Variants in KLC3 observed in about 807,000 individuals in gnomAD.
The protein encoded by KLC3 is kinesin light chain 2.
In KLC3, 72 loss-of-function variants were observed where a neutral mutation model predicts 62.9. That is an observed-to-expected ratio of 1.15 (90% CI 0.95 to 1.39). KLC3 has a LOEUF of 1.39. KLC3 is among the 40% of genes most tolerant of loss of function. The pLI is 0.00. For synonymous variants in KLC3, 377 were observed against 300.5 expected (o/e 1.25, Z -2.63); for missense variants, 848 against 691.6 (o/e 1.23, Z -2.54).
rs748349233 is a variant in KLC3, at chr19:45,350,719, C to CGAA, written c.1353_1354insAGA (p.Arg451dup). ...AAGTGAGAAGCTGGTCTCCCGGCTC[C>CGAA]GAGGCGAGGCGGCGGCAGGAGCAGC... On this transcript the variant is annotated inframe_insertion, in exon 11 of 13. Coordinates refer to ENST00000391946, the MANE Select transcript of KLC3 (RefSeq NM_177417.3). 1.3e-5 allele frequency: 21 copies of CGAA among 1,612,898 alleles called. No homozygotes were observed. Among genetic ancestry groups the CGAA allele is most frequent in the Middle Eastern group, 1.7e-4 (1 of 6,056 alleles).
chr19:45,346,734 T>C lies in KLC3; in HGVS notation c.449T>C (p.Leu150Pro). ...GAGGAGAAGCGCCACCTGGAGTTCC[T>C]GGGGCAGCTGCGACAGTACGACCCA... ...LEEEKRHLEF[L>P]GQLRQYDPPA... The change falls in exon 3 of 13, where the codon CTG becomes CCG. Residue 150 changes from leucine to proline, a missense_variant. Transcript: ENST00000391946. 6.3e-7 allele frequency: 1 copy of C among 1,588,654 alleles called. No individual in the cohort carries two copies. The highest frequency in any genetic ancestry group is 8.6e-7 in the Non-Finnish European group (1 of 1,168,438).
In KLC3 at chr19:45,345,945, C is replaced by T. The variant is rs1191497690; in HGVS notation, c.258+146C>T. 3 of 921,876 alleles carry T rather than the reference C, an allele frequency of 3.3e-6. No homozygotes were observed. The African/African-American group carries it at 5.0e-5, about 15-fold the overall frequency. 57.1% of individuals were successfully genotyped at this position (921,876 alleles called of 1,614,324 possible). On this transcript the variant is annotated intron_variant, in intron 2 of 12. Coordinates refer to ENST00000391946, the MANE Select transcript of KLC3 (RefSeq NM_177417.3). Reference sequence around the variant, plus strand: ...CTTTGGGAGGCTGAGGTGGGCAGATCACTTGAGGTCAGGAGTTCAAGACCA... The same window carrying T: ...CTTTGGGAGGCTGAGGTGGGCAGATTACTTGAGGTCAGGAGTTCAAGACCA...
chr19:45,343,830 A>T (rs1281591637), intron 1 of KLC3, among the ~76,000 whole-genome samples: 2 of 145,738 alleles, frequency 1.4e-5, no homozygotes, highest in African/African-American at 4.9e-5. Flanking sequence ...GAGAATGTAT[A>T]TTATGCTGTC....
At chr19:45,351,243 G>A (rs934267563) in intron 12 of KLC3, 43 bp from the exon 13 acceptor site, 1 of 1,571,250 alleles carries the variant, frequency 6.4e-7, no homozygotes, top group Non-Finnish European at 8.6e-7. Flanking sequence ...TGTAACACTT[G>A]CCCCTCACCT....
In KLC3 at chr19:45,350,729, C is replaced by T. The variant is rs751392586; in HGVS notation, c.1361C>T (p.Ala454Val). 3.0e-5 allele frequency: 48 copies of T among 1,612,150 alleles called. 1 individual carries two copies. The highest frequency in any genetic ancestry group is 2.4e-4 in the South Asian group (22 of 90,856). Residue 454 changes from alanine (A) to valine (V), a missense_variant, in exon 11 of 13, where the codon GCG becomes GTG. Ala to Val is a moderately conservative substitution (Grantham distance 64). Coordinates refer to ENST00000391946, the MANE Select transcript of KLC3 (RefSeq NM_177417.3). ...CTGGTCTCCCGGCTCCGAGGCGAGG[C>T]GGCGGCAGGAGCAGCCGGGTGAGTG... is the stretch of plus-strand genomic sequence containing the variant. ...EKLVSRLRGE[A>V]AAGAAGMKRA...
intron 3 of KLC3, 134 bp downstream of exon 3, chr19:45,346,908 T>C: frequency 1.3e-6 from 1 of 798,492 alleles, no homozygotes; most frequent in Non-Finnish European, 1.9e-6. Flanking sequence ...CTCCTTAGAA[T>C]GCCACAGTCC....
At chr19:45,341,804 G>GAT (rs1356127445) in intron 1 of KLC3, among the ~76,000 whole-genome samples, 2 of 145,102 alleles carry the variant, frequency 1.4e-5, no homozygotes, top group African/African-American at 5.4e-5. Flanking sequence ...TGTGTGTGTA[G>GAT]AGAGGAACTA....
chr19:45,350,007 G>T, intron 8 of KLC3: 1 of 445,220 alleles, frequency 2.2e-6, no homozygotes, highest in Non-Finnish European at 4.1e-6. Context: ...ACAGCAGACA[G>T]GCTCAGAAAC....
rs1283149944 is a variant in KLC3 at position 45,347,928 on chromosome 19, C to T, written c.560-13C>T. On this transcript the variant is annotated splice_polypyrimidine_tract_variant and intron_variant, in intron 4 of 12. Transcript: ENST00000391946. Reference sequence around the variant, plus strand: ...GGCTTGCAGTGACCCAGAGCCCACCCCACCCCACCTAGGTCCTGAGGCCGC... The same window carrying T: ...GGCTTGCAGTGACCCAGAGCCCACCTCACCCCACCTAGGTCCTGAGGCCGC... The T allele has an allele frequency of 1.9e-6, 3 of 1,588,844 alleles. No individual in the cohort carries two copies. Among genetic ancestry groups the T allele is most frequent in the Non-Finnish European group, 8.6e-7 (1 of 1,166,122 alleles).
chr19:45,348,263 G>A, intron 5 of KLC3, 103 bp downstream of exon 5: 1 of 1,027,416 alleles, frequency 9.7e-7, no homozygotes, highest in Non-Finnish European at 1.4e-6. Context: ...GGAGCACCTA[G>A]GGAGGTCAGG....
At chr19:45,345,312 G>A (rs534247812) in intron 1 of KLC3, 3 of 632,074 alleles carry the variant, frequency 4.7e-6, no homozygotes, top group East Asian at 2.8e-5. Context: ...GAGGACAGAC[G>A]AAGGTAGACA....
At chr19:45,342,375 C>T (rs1971412475) in intron 1 of KLC3, among the ~76,000 whole-genome samples, 1 of 151,958 alleles carries the variant, frequency 6.6e-6, no homozygotes, top group South Asian at 2.1e-4. Context: ...TTGCTTGAAC[C>T]CAGGAATCCT....
rs890793807 is a variant in KLC3 at position 45,345,466 on chromosome 19, A to G, written c.-8-68A>G. On this transcript the variant is annotated intron_variant, in intron 1 of 12. Coordinates refer to ENST00000391946, the MANE Select transcript of KLC3 (RefSeq NM_177417.3). ...AGGGGTCCTGATGGCCATTATGGGA[A>G]TAGAGGCTGGGGGCCAACTGACTGG... The G allele has an allele frequency of 3.2e-6, 5 of 1,547,152 alleles. No homozygotes were observed. The African/African-American group carries it at 5.5e-5, about 17-fold the overall frequency.
chr19:45,345,708 GC>G lies in KLC3; in HGVS notation c.170del (p.Pro57ArgfsTer15), dbSNP rs1568521741. 5 of 1,566,166 alleles carry G rather than the reference GC, an allele frequency of 3.2e-6. No individual in the cohort carries two copies. Among genetic ancestry groups the G allele is most frequent in the Non-Finnish European group, 4.3e-6 (5 of 1,156,550 alleles). ...GHLAEALAGQ[G>X]PAAGLEMLEE... is the part of the protein sequence containing the mutation. ...CTGGCGGAGGCCCTGGCGGGACAGG[GC>G]CCGGCAGCCGGCTTGGAGATGCTGG... On this transcript the variant is annotated frameshift_variant, in exon 2 of 13. Transcript: ENST00000391946. LOFTEE classifies it high-confidence loss of function.
chr19:45,347,933 C>A lies in KLC3; in HGVS notation c.560-8C>A. ...GCAGTGACCCAGAGCCCACCCCACC[C>A]CACCTAGGTCCTGAGGCCGCAGGAG... On this transcript the variant is annotated splice_region_variant and splice_polypyrimidine_tract_variant and intron_variant, in intron 4 of 12. Transcript: ENST00000391946. The A allele has an allele frequency of 6.3e-7, 1 of 1,593,558 alleles. No homozygotes were observed. The highest frequency in any genetic ancestry group is 8.6e-7 in the Non-Finnish European group (1 of 1,169,026).
chr19:45,351,043 T>C lies in KLC3; in HGVS notation c.1443+26T>C, dbSNP rs185975564. ...GTGAGGGGGACATCTGGGTCAAAAATAGAGGAGGCCATGTGGGTAGGTGCA... is the reference window on the plus strand; with the variant it reads ...GTGAGGGGGACATCTGGGTCAAAAACAGAGGAGGCCATGTGGGTAGGTGCA... On this transcript the variant is annotated intron_variant, in intron 12 of 12. Coordinates refer to ENST00000391946, the MANE Select transcript of KLC3 (RefSeq NM_177417.3). The C allele has an allele frequency of 6.3e-4, 1,018 of 1,613,678 alleles. 1 individual carries two copies. Among genetic ancestry groups the C allele is most frequent in the Non-Finnish European group, 8.2e-4 (969 of 1,179,854 alleles).
chr19:45,347,659 T>A, intron 4 of KLC3, 143 bp downstream of exon 4: 1 of 775,330 alleles, frequency 1.3e-6, no homozygotes, highest in Admixed American at 2.8e-5. Context: ...ACAGTGCAGG[T>A]GAGGCTGGGA....
chr19:45,342,288 C>G (rs1233268431), intron 1 of KLC3, among the ~76,000 whole-genome samples: 1 of 152,028 alleles, frequency 6.6e-6, no homozygotes, highest in Non-Finnish European at 1.5e-5. Context: ...GTGTGATATA[C>G]ACAAGCACAC....
Position 45,351,284 on chromosome 19 carries a change from A to G in KLC3, c.1444-2A>G. ...CCAACCATCCCCTGTGCCTGTCTCC[A>G]GTTTCCCAGCTGGCACCTGGACAAG... On this transcript the variant is annotated splice_acceptor_variant, in intron 12 of 12. Transcript: ENST00000391946. LOFTEE classifies it high-confidence loss of function. 3.1e-6 allele frequency: 5 copies of G among 1,612,496 alleles called. No individual in the cohort carries two copies. The highest frequency in any genetic ancestry group is 4.2e-6 in the Non-Finnish European group (5 of 1,179,910).
Sources: gnomAD v4.1 joint callset for allele counts (sites outside exome capture counted in the v4.1 genomes callset) on GRCh38, gnomAD v4.1.1 for gene constraint, MANE v1.5 for transcripts, NCBI Gene and HGNC (gene_info 2026-07-23, HGNC 2026-07-21) for gene names.